TASOR2: variants seen among roughly 807,000 people sequenced by gnomAD.
TASOR2 encodes the protein transcription activation suppressor family member 2.
TASOR2 carries 84 observed loss-of-function variants against 199.5 expected under a neutral mutation model. The ratio of observed to expected loss-of-function variants is 0.42; its 90% CI spans 0.35 to 0.50. The LOEUF (loss-of-function observed/expected upper bound fraction) is 0.50, where lower values mean the gene tolerates loss of function less well. TASOR2 is among the 20% of genes least tolerant of loss of function. TASOR2 has a pLI of 0.02. For synonymous variants in TASOR2, 1,103 were observed against 1,046.6 expected, an observed-to-expected ratio of 1.05 and a Z score of -1.04; for missense variants, 2,796 against 2,835.9, an observed-to-expected ratio of 0.99 and a Z score of 0.32.
At chr10:5,733,164 CA>C (rs1194623848) in intron 11 of TASOR2, among the ~76,000 whole-genome samples, 2 of 150,850 alleles carry the variant, frequency 1.3e-5, no homozygotes, top group Non-Finnish European at 3.0e-5. Context: ...ACAAAAATTT[CA>C]AAAAAAAATT....
intron 11 of TASOR2, among the ~76,000 whole-genome samples, chr10:5,732,950 G>GT (rs1835033950): frequency 6.6e-6 from 1 of 152,148 alleles, no homozygotes; most frequent in Non-Finnish European, 1.5e-5. Context: ...GTAGTATAAA[G>GT]CAGTGCACCA....
At position 5,748,468 on chromosome 10, in the gene TASOR2, C is replaced by G. The variant is rs1837535712; in HGVS notation, c.5047C>G (p.Gln1683Glu). 2.5e-6 allele frequency: 4 copies of G among 1,614,146 alleles called. No homozygotes were observed. The East Asian group carries it at 8.9e-5, about 36-fold the overall frequency. Residue 1683 changes from glutamine (Q) to glutamate (E), a missense_variant, in exon 15 of 21, where the codon CAG becomes GAG. Gln to Glu is a conservative substitution (Grantham distance 29, BLOSUM62 2). Around this residue, in one of 3 missense-constraint regions of TASOR2, gnomAD observed 1,941 missense variants for 1,924.9 expected, o/e 1.01. Coordinates refer to ENST00000328090, the Ensembl canonical transcript of TASOR2. The surrounding 1 kb of genome is among the most constrained non-coding windows in gnomAD (Gnocchi z 5.1). ...AAATGCAGAGCCAGTGTTTCAAGCA[C>G]AGGAAATACCAGCAGGCAGAATGGC...
At chr10:5,709,685 A>T in intron 1 of TASOR2, 1 of 1,229,032 alleles carries the variant, frequency 8.1e-7, no homozygotes, top group Non-Finnish European at 1.0e-6. Context: ...ACTAAGTGCT[A>T]TAAGTCATAA....
exon 11 of TASOR2, chr10:5,731,038 G>C: frequency 6.2e-7 from 1 of 1,614,134 alleles, no homozygotes; most frequent in Middle Eastern, 1.6e-4. Context: ...AAATCTGAGA[G>C]TGCAGCCTAA....
At chr10:5,735,261 TG>T (rs758148734) in intron 11 of TASOR2, 42 bp from the exon 13 acceptor site, 5 of 1,574,524 alleles carry the variant, frequency 3.2e-6, no homozygotes, top group Middle Eastern at 1.7e-4. Context: ...GCTAAGTATC[TG>T]GGCCCCTACC....
At chr10:5,731,713 A>G (rs1238932073) in intron 11 of TASOR2, among the ~76,000 whole-genome samples, 1 of 152,210 alleles carries the variant, frequency 6.6e-6, no homozygotes, top group Non-Finnish European at 1.5e-5. Flanking sequence ...AGGAAAGACC[A>G]AGATACCTCA....
In TASOR2 at chr10:5,722,093, G is replaced by A. The variant is rs1240017889; in HGVS notation, c.146+1123G>A. Among the ~76,000 whole-genome samples, 1 of 152,194 alleles carries A rather than the reference G, an allele frequency of 6.6e-6. No individual in the cohort carries two copies. The highest frequency in any genetic ancestry group is 2.4e-5 in the African/African-American group (1 of 41,438). ...TTGGCAGCATTTGAATAAGATGTAG[G>A]TTAAGTCATAGTATCGTTATCATTG... On this transcript the variant is annotated intron_variant, in intron 6 of 20. Coordinates refer to ENST00000328090, the Ensembl canonical transcript of TASOR2. This position sits in a 1 kb window ranked among gnomAD's most constrained non-coding sequence, Gnocchi z 4.0.
In TASOR2 at chr10:5,689,951, C is replaced by T. The variant is rs1836240534; in HGVS notation, c.-288+4776C>T. Among the ~76,000 whole-genome samples, 1 of 152,078 alleles carries T rather than the reference C, an allele frequency of 6.6e-6. No individual in the cohort carries two copies. Among genetic ancestry groups the T allele is most frequent in the South Asian group, 2.1e-4 (1 of 4,830 alleles). ...TTTTGACTACTCTTTTCATTTTCTT[C>T]ATCATTATTGGTTTATTTAAATGTT... On this transcript the variant is annotated intron_variant, in intron 1 of 20. Coordinates refer to ENST00000328090, the Ensembl canonical transcript of TASOR2. This position sits in a 1 kb window ranked among gnomAD's most constrained non-coding sequence, Gnocchi z 4.1.
chr10:5,746,774 A>G (rs750305048), exon 15 of TASOR2: 1 of 1,614,224 alleles, frequency 6.2e-7, no homozygotes, highest in East Asian at 2.2e-5. Context: ...GTTGCAGGAC[A>G]GAAGGGCACT....
chr10:5,759,388 AAAG>A (rs1486989498), intron 18 of TASOR2, among the ~76,000 whole-genome samples: 3 of 152,232 alleles, frequency 2.0e-5, no homozygotes, highest in Admixed American at 6.5e-5. Flanking sequence ...TTGTACCCTA[AAAG>A]AAGAGGCTTA....
chr10:5,684,941 G>C (rs1398729380), exon 1 of TASOR2: 1 of 397,664 alleles, frequency 2.5e-6, no homozygotes, highest in Non-Finnish European at 4.4e-6. Flanking sequence ...GGGAGACAGA[G>C]CGCGGGCGGC....
At position 5,754,458 on chromosome 10, in the gene TASOR2, C is replaced by T. The variant is rs1838553773; in HGVS notation, c.6607-2155C>T. 6.6e-6 allele frequency among the ~76,000 whole-genome samples: 1 copy of T among 151,780 alleles called. No homozygotes were observed. The highest frequency in any genetic ancestry group is 1.5e-5 in the Non-Finnish European group (1 of 67,970). On this transcript the variant is annotated intron_variant, in intron 15 of 20. Coordinates refer to ENST00000328090, the Ensembl canonical transcript of TASOR2. The surrounding 1 kb of genome is among the most constrained non-coding windows in gnomAD (Gnocchi z 4.3). ...AGGCTGGAGTGCAGTGGCGCGATCT[C>T]AGCTCACTGCAGCCTCCGTCTTCTG... is the stretch of plus-strand genomic sequence containing the variant.
rs1834617565 is a variant in TASOR2, at chr10:5,730,193, T to G, written c.488-294T>G. Among the ~76,000 whole-genome samples, 1 of 152,204 alleles carries G rather than the reference T, an allele frequency of 6.6e-6. No individual in the cohort carries two copies. The highest frequency in any genetic ancestry group is 6.5e-5 in the Admixed American group (1 of 15,280). On this transcript the variant is annotated intron_variant, in intron 10 of 20. Transcript: ENST00000328090. This position sits in a 1 kb window ranked among gnomAD's most constrained non-coding sequence, Gnocchi z 4.1. ...AACCATTGAGCTCATGAGCTCCTTG[T>G]TAGGTGAGATGGAGCTGGAGGCAGG...
chr10:5,692,619 C>T (rs1336104305), intron 1 of TASOR2, among the ~76,000 whole-genome samples: 1 of 152,092 alleles, frequency 6.6e-6, no homozygotes, highest in Non-Finnish European at 1.5e-5. Context: ...GTTGGGTCTA[C>T]GGAGTGTGCG....
At chr10:5,739,814 C>T (rs1416600699) in exon 13 of TASOR2, 5 of 1,614,068 alleles carry the variant, frequency 3.1e-6, no homozygotes, top group Non-Finnish European at 4.2e-6. Flanking sequence ...CTACTTCTTC[C>T]ACACCAGTAT....
chr10:5,732,863 A>G (rs1281904932), intron 11 of TASOR2, among the ~76,000 whole-genome samples: 1 of 152,190 alleles, frequency 6.6e-6, no homozygotes, highest in African/African-American at 2.4e-5. Flanking sequence ...GGCTTCATAA[A>G]TAGTGGTTTC....
chr10:5,730,957 A>C lies in TASOR2; in HGVS notation c.958A>C (p.Thr320Pro). 1.2e-6 allele frequency: 2 copies of C among 1,614,040 alleles called. No individual in the cohort carries two copies. The highest frequency in any genetic ancestry group is 4.5e-5 in the East Asian group (2 of 44,898). ...CTCAGAGGCAGAAGTGAGAAAAGAA[A>C]CTGAAACAAAAAAGGATTCTGAAGA... is the stretch of plus-strand genomic sequence containing the variant. Residue 320 changes from threonine to proline, a missense_variant, in exon 11 of 21, where the codon ACT (threonine) becomes CCT (proline). Thr to Pro is a conservative substitution (Grantham distance 38, BLOSUM62 -1). Coordinates refer to ENST00000328090, the Ensembl canonical transcript of TASOR2. This position sits in a 1 kb window ranked among gnomAD's most constrained non-coding sequence, Gnocchi z 4.1.
At chr10:5,714,058 T>TAAAAAA in intron 2 of TASOR2, 77 bp from the exon 3 acceptor site, 1 of 609,026 alleles carries the variant, frequency 1.6e-6, no homozygotes, top group Non-Finnish European at 2.3e-6. Flanking sequence ...AAAATAAAAT[T>TAAAAAA]AAAAAAAAAA....
chr10:5,693,880 T>C (rs1217775516), intron 1 of TASOR2, among the ~76,000 whole-genome samples: 8 of 152,206 alleles, frequency 5.3e-5, no homozygotes, highest in Non-Finnish European at 8.8e-5. Flanking sequence ...GGGACTTTGG[T>C]GAACAGACAA....
Sources: gnomAD v4.1 joint callset for allele counts (sites outside exome capture counted in the v4.1 genomes callset) on GRCh38, gnomAD v4.1.1 for gene constraint, gnomAD v4.1.1 regional missense constraint, Gnocchi (gnomAD v3.1) non-coding constraint, MANE v1.5 for transcripts, NCBI Gene and HGNC (gene_info 2026-07-23, HGNC 2026-07-21) for gene names.